Variants in RYR3 observed in about 807,000 individuals in gnomAD.
The protein encoded by RYR3 is brain ryanodine receptor-calcium release channel.
RYR3 carries 207 observed loss-of-function variants against 584.3 expected under a neutral mutation model. That is an observed-to-expected ratio of 0.35 (90% confidence interval 0.32 to 0.40). The LOEUF is 0.40. Among genes scored for constraint, RYR3 ranks in the 10% least tolerant of loss-of-function variants. The pLI is 1.00. For synonymous variants in RYR3, 2,416 were observed against 2,248.5 expected (o/e 1.07, Z -2.11); for missense variants, 5,616 against 6,089.2 (o/e 0.92, Z 2.59).
chr15:33,861,235 A>G (rs1888077232), intron 102 of RYR3, 57 bp downstream of exon 102: 1 of 1,260,548 alleles, frequency 7.9e-7, no homozygotes. Context: ...AAAGCCAATT[A>G]GGTCATATAG....
In RYR3 at chr15:33,581,649, T is replaced by C; in HGVS notation, c.1573+6T>C. 1 of 1,612,830 alleles carries C rather than the reference T, an allele frequency of 6.2e-7. No individual in the cohort carries two copies. ...CCTCCTCTACAAATTGCTGGGTAAG[T>C]ACACATACAGTGCCTTCTCCCTGGG... On this transcript the variant is annotated splice_donor_region_variant and intron_variant, in intron 14 of 103. Transcript: ENST00000634891.
chr15:33,853,689 A>G lies in RYR3; in HGVS notation c.13799+7A>G. On this transcript the variant is annotated splice_region_variant and intron_variant, in intron 96 of 103. Coordinates refer to ENST00000634891, the MANE Select transcript of RYR3 (RefSeq NM_001036.6). ...CGGCTTCTCTGGTGTCATGGTACAA[A>G]AAGCTTAGGAGTTCAAATCCAAAGC... 6.2e-7 allele frequency: 1 copy of G among 1,612,114 alleles called. No individual in the cohort carries two copies. Among genetic ancestry groups the G allele is most frequent in the East Asian group, 2.2e-5 (1 of 44,866 alleles).
chr15:33,609,105 C>T (rs1167033174), intron 18 of RYR3, among the ~76,000 whole-genome samples: 2 of 152,312 alleles, frequency 1.3e-5, no homozygotes, highest in African/African-American at 4.8e-5. Flanking sequence ...ACTGGAGTCA[C>T]GATTCAACTT....
rs189986611 is a variant in RYR3, at chr15:33,681,864, G to A, written c.5860+11308G>A. Among the ~76,000 whole-genome samples, 14 of 152,288 alleles carry A rather than the reference G, an allele frequency of 9.2e-5. No homozygotes were observed. The East Asian group carries it at 2.7e-3, about 29-fold the overall frequency. The stretch of plus-strand genomic sequence containing the variant: ...GAGCACTCACAAAGATACAACACCA[G>A]CGTAGGTTTGAGATCTGTAAGCTGC... On this transcript the variant is annotated intron_variant, in intron 38 of 103. Coordinates refer to ENST00000634891, the MANE Select transcript of RYR3 (RefSeq NM_001036.6).
At chr15:33,862,566 C>CAAAGATAACATGTTTTTGCTGGGGG (rs1308443304) in intron 102 of RYR3, among the ~76,000 whole-genome samples, 2 of 152,142 alleles carry the variant, frequency 1.3e-5, no homozygotes, top group Non-Finnish European at 2.9e-5. Context: ...TCAGAAGTGG[C>CAAAGATAACATGTTTTTGCTGGGGG]AAAGATAACA....
intron 36 of RYR3, among the ~76,000 whole-genome samples, chr15:33,667,823 G>A (rs2063568752): frequency 6.6e-6 from 1 of 152,006 alleles, no homozygotes; most frequent in Admixed American, 6.6e-5. Flanking sequence ...TAGCACTTTG[G>A]GAGGCCAAGG....
chr15:33,789,135 C>T (rs1278486535), intron 67 of RYR3, among the ~76,000 whole-genome samples: 1 of 151,844 alleles, frequency 6.6e-6, no homozygotes, highest in East Asian at 1.9e-4. Flanking sequence ...GTTCAAGGGA[C>T]CAAAAGGAGG....
At chr15:33,549,982 CTGGG>C (rs2056552883) in intron 9 of RYR3, among the ~76,000 whole-genome samples, 174 bp from the exon 10 acceptor site, 1 of 152,190 alleles carries the variant, frequency 6.6e-6, no homozygotes, top group Non-Finnish European at 1.5e-5. Context: ...GAGCACTATG[CTGGG>C]TTGTAGGCAG....
chr15:33,628,655 G>T (rs1455563282), intron 21 of RYR3, 80 bp downstream of exon 21: 2 of 873,972 alleles, frequency 2.3e-6, no homozygotes, highest in East Asian at 2.4e-5. Context: ...TGCATGCCTA[G>T]TTTTCATTGC....
intron 1 of RYR3, among the ~76,000 whole-genome samples, chr15:33,422,202 G>A (rs1555464718): frequency 6.6e-6 from 1 of 151,938 alleles, no homozygotes; most frequent in Non-Finnish European, 1.5e-5. Context: ...TGGTTTTTTT[G>A]TTTTTGTTTT....
chr15:33,349,732 T>C (rs1972971252), intron 1 of RYR3, among the ~76,000 whole-genome samples: 1 of 134,922 alleles, frequency 7.4e-6, no homozygotes, highest in African/African-American at 3.0e-5. Flanking sequence ...CTCCCAATGC[T>C]ATCCCTCCCC....
At chr15:33,691,793 T>G (rs968408328) in intron 38 of RYR3, among the ~76,000 whole-genome samples, 1 of 152,224 alleles carries the variant, frequency 6.6e-6, no homozygotes, top group Non-Finnish European at 1.5e-5. Flanking sequence ...ATTCAGGACA[T>G]CCTTCTGTGA....
chr15:33,772,080 A>G lies in RYR3; in HGVS notation c.8977A>G (p.Thr2993Ala). 1.2e-6 allele frequency: 2 copies of G among 1,613,764 alleles called. No individual in the cohort carries two copies. The highest frequency in any genetic ancestry group is 1.7e-6 in the Non-Finnish European group (2 of 1,179,816). The change falls in exon 63 of 104, where the codon ACT (threonine) becomes GCT (alanine). Residue 2993 changes from threonine to alanine, a missense_variant. Thr to Ala is a moderately conservative substitution (Grantham distance 58, BLOSUM62 0). Around this residue, in one of 9 missense-constraint regions of RYR3, gnomAD observed 954 missense variants for 1,132.2 expected, o/e 0.84. Transcript: ENST00000634891. Reference protein sequence around the residue: ...IKGVSQNINYTTVALLPILTS... With the variant: ...IKGVSQNINYATVALLPILTS... Reference sequence around the variant, plus strand: ...AGGCGTTTCTCAGAATATTAACTACACTACAGTGGCTCTGCTCCCCATCCT... The same window carrying G: ...AGGCGTTTCTCAGAATATTAACTACGCTACAGTGGCTCTGCTCCCCATCCT...
At chr15:33,399,134 C>T (rs2042473325) in intron 1 of RYR3, among the ~76,000 whole-genome samples, 2 of 152,186 alleles carry the variant, frequency 1.3e-5, no homozygotes, top group African/African-American at 4.8e-5. Context: ...CAAATCCTGG[C>T]ATTACCTTTG....
At chr15:33,469,196 A>G (rs1203415310) in intron 1 of RYR3, among the ~76,000 whole-genome samples, 4 of 152,144 alleles carry the variant, frequency 2.6e-5, no homozygotes, top group Admixed American at 6.6e-5. Flanking sequence ...CTAAGCTTAG[A>G]AGAATAGGTA....
intron 5 of RYR3, 45 bp from the exon 6 acceptor site, chr15:33,539,305 C>A (rs2055605365): frequency 7.8e-7 from 1 of 1,284,086 alleles, no homozygotes; most frequent in Non-Finnish European, 1.1e-6. Flanking sequence ...ATTAGGGACA[C>A]TGGCTTCTGT....
intron 1 of RYR3, among the ~76,000 whole-genome samples, chr15:33,446,133 C>T (rs1478589201): frequency 6.6e-6 from 1 of 152,140 alleles, no homozygotes; most frequent in African/African-American, 2.4e-5. Flanking sequence ...GGGACTATTT[C>T]TGCCACCTGG....
intron 44 of RYR3, 125 bp downstream of exon 44, chr15:33,723,020 T>C: frequency 1.2e-6 from 1 of 847,578 alleles, no homozygotes; most frequent in Non-Finnish European, 1.8e-6. Context: ...GCTAAAACAT[T>C]GACCCTTCAT....
intron 67 of RYR3, among the ~76,000 whole-genome samples, chr15:33,796,350 T>C (rs1023655706): frequency 1.1e-4 from 17 of 152,158 alleles, no homozygotes; most frequent in African/African-American, 4.1e-4. Flanking sequence ...GTCAAGCTGG[T>C]CTTGAAGTCC....
Sources: allele counts gnomAD v4.1 joint callset (sites outside exome capture counted in the v4.1 genomes callset), GRCh38; gene constraint gnomAD v4.1.1; regional missense constraint gnomAD v4.1.1; transcripts MANE v1.5; gene names NCBI Gene and HGNC (gene_info 2026-07-23, HGNC 2026-07-21).